OR6N1: variants seen among roughly 807,000 people sequenced by gnomAD.
OR6N1 encodes the protein olfactory receptor family 6 subfamily N member 1.
For synonymous variants in OR6N1, 170 were observed against 150.7 expected (o/e 1.13, Z -0.94); for missense variants, 394 against 371.7 (o/e 1.06, Z -0.49).
the OR6N1 span, among the ~76,000 whole-genome samples, chr1:158,779,833 A>C: frequency 6.6e-6 from 1 of 152,214 alleles, no homozygotes; most frequent in Non-Finnish European, 1.5e-5. Flanking sequence ...TTATTTATTC[A>C]TTTTCTATGC....
At chr1:158,790,400 A>ATTTTTT in the OR6N1 span, among the ~76,000 whole-genome samples, 1 of 129,470 alleles carries the variant, frequency 7.7e-6, no homozygotes, top group Non-Finnish European at 1.6e-5. Flanking sequence ...TTGATAGGGA[A>ATTTTTT]TTTTTTTTTT....
chr1:158,783,793 T>C, the OR6N1 span, among the ~76,000 whole-genome samples: 1 of 152,174 alleles, frequency 6.6e-6, no homozygotes, highest in Non-Finnish European at 1.5e-5. Flanking sequence ...CAATAACTAT[T>C]TGTTGAATGC....
chr1:158,765,714 G>T lies in OR6N1; in HGVS notation c.*30C>A, dbSNP rs1657233196. ...ATCCCTGGGGCCACCATATCCTCAG[G>T]CCCGGCCTTGGCCTACTCTCAGCCC... On this transcript the variant is annotated 3_prime_UTR_variant, in exon 2 of 2. Transcript: ENST00000641846. The T allele has an allele frequency of 6.4e-7, 1 of 1,564,224 alleles. No individual in the cohort carries two copies. The highest frequency in any genetic ancestry group is 8.8e-7 in the Non-Finnish European group (1 of 1,140,638).
At chr1:158,776,448 C>A, upstream of OR6N1, 2 of 368,710 alleles carry the variant, frequency 5.4e-6, no homozygotes, top group Non-Finnish European at 9.7e-6. Flanking sequence ...AGGAAATATA[C>A]ATGCTTTTTT....
upstream of OR6N1, chr1:158,775,926 C>T (rs1657581749): frequency 6.6e-6 from 1 of 152,130 alleles, no homozygotes; most frequent in Admixed American, 6.6e-5. Flanking sequence ...CAAGTCCAAT[C>T]CAGGCAGTGT....
the OR6N1 span, among the ~76,000 whole-genome samples, chr1:158,816,102 G>A: frequency 6.6e-6 from 1 of 150,804 alleles, no homozygotes. Flanking sequence ...ATCTTGCAGT[G>A]AGAGGAGATG....
upstream of OR6N1, among the ~76,000 whole-genome samples, chr1:158,772,727 G>A (rs1323627654): frequency 6.6e-6 from 1 of 152,124 alleles, no homozygotes; most frequent in Non-Finnish European, 1.5e-5. Flanking sequence ...TCCGTAAAGA[G>A]TGCTGCTTCA....
chr1:158,787,692 T>C, the OR6N1 span, among the ~76,000 whole-genome samples: 1 of 149,194 alleles, frequency 6.7e-6, no homozygotes, highest in Admixed American at 6.7e-5. Flanking sequence ...CACACGAACA[T>C]TTTATTTTGA....
At chr1:158,770,770 C>A (rs1657405229) in intron 1 of OR6N1, among the ~76,000 whole-genome samples, 1 of 152,200 alleles carries the variant, frequency 6.6e-6, no homozygotes, top group South Asian at 2.1e-4. Context: ...AAACTCATAT[C>A]TTCTCACTCA....
the OR6N1 span, among the ~76,000 whole-genome samples, chr1:158,782,021 A>T: frequency 6.6e-6 from 1 of 152,126 alleles, no homozygotes; most frequent in Non-Finnish European, 1.5e-5. Flanking sequence ...CATGATCATC[A>T]CCTCTAAGCT....
At chr1:158,833,141 T>C in the OR6N1 span, among the ~76,000 whole-genome samples, 97 of 152,280 alleles carry the variant, frequency 6.4e-4, no homozygotes, top group Non-Finnish European at 1.3e-3. Context: ...GCTTTACTTA[T>C]TTTTAAGATA....
At chr1:158,835,437 G>T in the OR6N1 span, among the ~76,000 whole-genome samples, 3 of 151,960 alleles carry the variant, frequency 2.0e-5, no homozygotes, top group Non-Finnish European at 4.4e-5. Context: ...CAACTGATTT[G>T]TATGTGTTGC....
chr1:158,776,783 C>A (rs1425680204), upstream of OR6N1: 2 of 1,613,838 alleles, frequency 1.2e-6, no homozygotes, highest in Non-Finnish European at 1.7e-6. Context: ...ATTGGATTGA[C>A]CATTGGTGTT....
the OR6N1 span, among the ~76,000 whole-genome samples, chr1:158,782,216 T>G: frequency 6.6e-6 from 1 of 152,238 alleles, no homozygotes; most frequent in African/African-American, 2.4e-5. Flanking sequence ...GAGAATTAAG[T>G]AAGATTAAAT....
chr1:158,787,656 C>A, the OR6N1 span, among the ~76,000 whole-genome samples: 1 of 151,626 alleles, frequency 6.6e-6, no homozygotes, highest in Non-Finnish European at 1.5e-5. Context: ...CACACACACA[C>A]ACACACACAC....
chr1:158,775,788 T>C (rs1468817798), upstream of OR6N1: 1 of 152,108 alleles, frequency 6.6e-6, no homozygotes, highest in Non-Finnish European at 1.5e-5. Flanking sequence ...ATTATGGTTG[T>C]AAGAAAAGGA....
At chr1:158,821,715 G>A in the OR6N1 span, among the ~76,000 whole-genome samples, 1 of 152,036 alleles carries the variant, frequency 6.6e-6, no homozygotes, top group Admixed American at 6.6e-5. Flanking sequence ...TCTGAGTGTT[G>A]GCAATTATGA....
the OR6N1 span, among the ~76,000 whole-genome samples, chr1:158,836,685 T>C: frequency 6.6e-6 from 1 of 151,760 alleles, no homozygotes; most frequent in Non-Finnish European, 1.5e-5. Flanking sequence ...CTTTTTTTTA[T>C]TGATTTTCTT....
the OR6N1 span, among the ~76,000 whole-genome samples, chr1:158,812,000 C>T: frequency 6.6e-6 from 1 of 152,168 alleles, no homozygotes; most frequent in Non-Finnish European, 1.5e-5. Context: ...GCCAAGATTC[C>T]ACTTCATCAG....
Sources: allele counts gnomAD v4.1 joint callset (sites outside exome capture counted in the v4.1 genomes callset), GRCh38; gene constraint gnomAD v4.1.1; transcripts MANE v1.5; gene names NCBI Gene and HGNC (gene_info 2026-07-23, HGNC 2026-07-21).